Variants in CSMD1 observed in about 807,000 individuals in gnomAD.
CSMD1 encodes the protein CUB and sushi domain-containing protein 1.
Under a neutral mutation model 417.5 loss-of-function variants are expected in CSMD1, and 213 were observed. The ratio of observed to expected loss-of-function variants is 0.51; its 90% CI spans 0.46 to 0.57. CSMD1 has a LOEUF of 0.57. CSMD1 is among the 20% of genes least tolerant of loss of function. The pLI is 0.00. For missense variants in CSMD1, 6,923 were observed against 4,529.7 expected (o/e 1.53, Z -15.17); for synonymous variants, 2,862 against 1,736.8 (o/e 1.65, Z -16.11).
At chr8:4,792,018 C>G (rs373719362) in intron 1 of CSMD1, among the ~76,000 whole-genome samples, 1 of 151,988 alleles carries the variant, frequency 6.6e-6, no homozygotes, top group Non-Finnish European at 1.5e-5. Flanking sequence ...ATCCTAAATC[C>G]TATCTCACTA....
At chr8:4,579,526 C>G (rs1370054657) in intron 2 of CSMD1, among the ~76,000 whole-genome samples, 1 of 151,924 alleles carries the variant, frequency 6.6e-6, no homozygotes, top group Non-Finnish European at 1.5e-5. Context: ...CCACGCCCAG[C>G]TAATTTTTTG....
chr8:2,968,585 C>T (rs932457648), intron 57 of CSMD1, among the ~76,000 whole-genome samples: 6 of 152,106 alleles, frequency 3.9e-5, no homozygotes, highest in Non-Finnish European at 8.8e-5. Context: ...TAGTTTTTTT[C>T]TCTTTTTTTG....
intron 3 of CSMD1, among the ~76,000 whole-genome samples, chr8:4,042,151 T>A (rs1249115228): frequency 6.6e-6 from 1 of 152,062 alleles, no homozygotes. Flanking sequence ...CAAAATTTAC[T>A]AAAACAGTGA....
At chr8:3,955,627 A>G (rs185632920) in intron 5 of CSMD1, among the ~76,000 whole-genome samples, 1 of 152,280 alleles carries the variant, frequency 6.6e-6, no homozygotes, top group East Asian at 1.9e-4. Flanking sequence ...TATCTCATCA[A>G]TAAATACCTC....
At chr8:4,733,326 G>C (rs1318861399) in intron 1 of CSMD1, among the ~76,000 whole-genome samples, 1 of 152,148 alleles carries the variant, frequency 6.6e-6, no homozygotes. Context: ...GCACAAATTA[G>C]CCATGCCAAT....
At chr8:4,688,122 G>A (rs989669311) in intron 1 of CSMD1, among the ~76,000 whole-genome samples, 4 of 152,130 alleles carry the variant, frequency 2.6e-5, no homozygotes, top group Non-Finnish European at 5.9e-5. Flanking sequence ...TTGGAGGATT[G>A]TATGAGGTAT....
intron 3 of CSMD1, among the ~76,000 whole-genome samples, chr8:4,181,734 CAAAAT>C (rs1016163175): frequency 1.2e-4 from 9 of 75,812 alleles, no homozygotes; most frequent in Non-Finnish European, 1.9e-4. Context: ...AAACATAAAA[CAAAAT>C]AAACAACAAT....
intron 3 of CSMD1, among the ~76,000 whole-genome samples, chr8:4,132,561 C>T (rs921641781): frequency 6.6e-6 from 1 of 152,098 alleles, no homozygotes; most frequent in African/African-American, 2.4e-5. Context: ...ATAAATAAGG[C>T]CCTTTGTGCT....
chr8:4,519,351 A>G (rs956133783), intron 2 of CSMD1, among the ~76,000 whole-genome samples: 1 of 152,154 alleles, frequency 6.6e-6, no homozygotes, highest in African/African-American at 2.4e-5. Context: ...AAAAATGATA[A>G]AAAAGAAAAG....
Position 4,543,429 on chromosome 8 carries a change from C to A in CSMD1, c.302+93913G>T, listed in dbSNP as rs185028937. 2.4e-3 allele frequency among the ~76,000 whole-genome samples: 366 copies of A among 152,152 alleles called. 2 individuals are homozygous for A. Among genetic ancestry groups the A allele is most frequent in the African/African-American group, 8.0e-3 (333 of 41,540 alleles). On this transcript the variant is annotated intron_variant, in intron 2 of 69. Transcript: ENST00000635120. Reference sequence around the variant, plus strand: ...TTTCAGATTGGCTTATTTTACTTAGCATTGTGCAGTTAAGTTTCCTCCATG... The same window carrying A: ...TTTCAGATTGGCTTATTTTACTTAGAATTGTGCAGTTAAGTTTCCTCCATG...
At chr8:3,719,698 A>T (rs1375759539) in intron 6 of CSMD1, among the ~76,000 whole-genome samples, 1 of 152,132 alleles carries the variant, frequency 6.6e-6, no homozygotes, top group Non-Finnish European at 1.5e-5. Context: ...CATAGAACAC[A>T]CTGTAGCCCC....
At chr8:2,987,842 T>G (rs1806059092) in intron 54 of CSMD1, among the ~76,000 whole-genome samples, 1 of 152,126 alleles carries the variant, frequency 6.6e-6, no homozygotes, top group Non-Finnish European at 1.5e-5. Flanking sequence ...CTCCTTCCCA[T>G]CCACTTCCTT....
chr8:4,467,580 T>C (rs1384767057), intron 2 of CSMD1, among the ~76,000 whole-genome samples: 2 of 152,184 alleles, frequency 1.3e-5, no homozygotes, highest in Admixed American at 6.5e-5. Context: ...GAAACAAATA[T>C]TTTCTCCCTT....
chr8:4,169,853 C>T (rs945816555), intron 3 of CSMD1, among the ~76,000 whole-genome samples: 7 of 152,016 alleles, frequency 4.6e-5, no homozygotes, highest in Non-Finnish European at 8.8e-5. Context: ...TAGCATGCGT[C>T]ATCATTTAGG....
At chr8:4,059,215 G>T (rs565498175) in intron 3 of CSMD1, among the ~76,000 whole-genome samples, 43 of 152,122 alleles carry the variant, frequency 2.8e-4, no homozygotes, top group Non-Finnish European at 4.9e-4. Flanking sequence ...CGAAATGAAG[G>T]CAGAAATAAA....
intron 1 of CSMD1, chr8:4,787,575 C>A (rs1563383816): frequency 6.7e-7 from 1 of 1,498,774 alleles, no homozygotes; most frequent in East Asian, 2.3e-5. Context: ...GCTTTCATTG[C>A]ACCCCAGTGC....
intron 17 of CSMD1, among the ~76,000 whole-genome samples, chr8:3,392,956 C>G (rs1263425628): frequency 2.6e-5 from 4 of 152,034 alleles, no homozygotes; most frequent in African/African-American, 9.7e-5. Context: ...GTGATAAGCA[C>G]TCATAAAATC....
intron 1 of CSMD1, among the ~76,000 whole-genome samples, chr8:4,776,574 A>G (rs1430963756): frequency 6.6e-6 from 1 of 152,128 alleles, no homozygotes; most frequent in East Asian, 1.9e-4. Context: ...ATTGTTCTCC[A>G]CTTCTGCATA....
chr8:3,635,851 C>CACT (rs1797019518), intron 7 of CSMD1, among the ~76,000 whole-genome samples: 1 of 147,520 alleles, frequency 6.8e-6, no homozygotes, highest in Admixed American at 6.7e-5. Flanking sequence ...AGACACTGCA[C>CACT]ACTTAGGTTA....
Sources: gnomAD v4.1 joint callset for allele counts (sites outside exome capture counted in the v4.1 genomes callset) on GRCh38, gnomAD v4.1.1 for gene constraint, MANE v1.5 for transcripts, NCBI Gene and HGNC (gene_info 2026-07-23, HGNC 2026-07-21) for gene names.